The following RABL6 variants were observed in gnomAD, a reference collection of about 807,000 sequenced individuals.
The protein encoded by RABL6 is RAB, member RAS oncogene family like 6.
Under a neutral mutation model 72.9 loss-of-function variants are expected in RABL6, and 28 were observed. The observed-to-expected ratio is 0.38, with a 90% confidence interval of 0.28 to 0.53. The LOEUF is 0.53. RABL6 is among the 20% of genes least tolerant of loss of function. The pLI is 0.80. For synonymous variants in RABL6, 477 were observed against 421.2 expected, an observed-to-expected ratio of 1.13 and a Z score of -1.62; for missense variants, 1,029 against 1,008.4, an observed-to-expected ratio of 1.02 and a Z score of -0.28.
chr9:136,832,582 A>T, intron 7 of RABL6: 1 of 634,002 alleles, frequency 1.6e-6, no homozygotes, highest in Non-Finnish European at 2.9e-6. Flanking sequence ...CAGTCCCAGG[A>T]GCCCCTCCAC....
chr9:136,808,535 C>G, intron 1 of RABL6: 1 of 352,980 alleles, frequency 2.8e-6, no homozygotes, highest in Non-Finnish European at 4.6e-6. Context: ...CCCCGAGCCG[C>G]GGGTCGTTTC....
At chr9:136,819,475 G>A (rs957221749) in intron 1 of RABL6, among the ~76,000 whole-genome samples, 22 of 152,242 alleles carry the variant, frequency 1.4e-4, no homozygotes, top group African/African-American at 5.1e-4. Flanking sequence ...TCACCAGCTC[G>A]AAAGAATGTG....
rs763004530 is a variant in RABL6 at position 136,838,872 on chromosome 9, C to T, written c.1281-37C>T. On this transcript the variant is annotated intron_variant, in intron 10 of 14. Coordinates refer to ENST00000311502, the MANE Select transcript of RABL6 (RefSeq NM_024718.5). ...CGTGAGCCCGGCCAGCCATCCCTACCCCGTGGCCCTTGACCGCTTTGCCCC... is the reference window on the plus strand; with the variant it reads ...CGTGAGCCCGGCCAGCCATCCCTACTCCGTGGCCCTTGACCGCTTTGCCCC... 13 of 1,499,702 alleles carry T rather than the reference C, an allele frequency of 8.7e-6. No homozygotes were observed. In the African/African-American group the frequency reaches 1.7e-4, roughly 19 times the overall value. The allele number at this position is 1,499,702 out of a possible 1,614,324, so 92.9% of individuals were successfully genotyped here. A position where few individuals can be genotyped will look rare whatever the true frequency, so the allele number is the denominator to read the frequency against.
chr9:136,834,008 C>A, intron 7 of RABL6: 1 of 1,492,456 alleles, frequency 6.7e-7, no homozygotes, highest in Non-Finnish European at 9.0e-7. Flanking sequence ...GAGAACGGGA[C>A]CCTGGACAGA....
chr9:136,840,898 A>G lies in RABL6; in HGVS notation c.*376A>G. The stretch of plus-strand genomic sequence containing the variant: ...GCTGTGGGGTGTGCGCTGCCCCGGC[A>G]CCTGCTTGCCCTCCGCGCTCATCTG... On this transcript the variant is annotated 3_prime_UTR_variant, in exon 15 of 15. Coordinates refer to ENST00000311502, the MANE Select transcript of RABL6 (RefSeq NM_024718.5). The G allele has an allele frequency of 2.7e-6, 4 of 1,506,464 alleles. No individual in the cohort carries two copies. Among genetic ancestry groups the G allele is most frequent in the Non-Finnish European group, 2.7e-6 (3 of 1,122,914 alleles). The allele number at this position is 1,506,464 out of a possible 1,614,324, so 93.3% of individuals were successfully genotyped here.
chr9:136,825,520 G>A (rs1848336745), intron 2 of RABL6, among the ~76,000 whole-genome samples: 1 of 152,130 alleles, frequency 6.6e-6, no homozygotes, highest in Non-Finnish European at 1.5e-5. Flanking sequence ...GGCCCGGGAG[G>A]GAGGGGCCGT....
intron 7 of RABL6, chr9:136,834,463 T>TG (rs1296706552): frequency 2.0e-6 from 2 of 984,650 alleles, no homozygotes; most frequent in Admixed American, 6.1e-5. Flanking sequence ...TGTTATAGCC[T>TG]GGGGACCTTA....
chr9:136,834,731 C>CAG (rs1848554025), intron 7 of RABL6, among the ~76,000 whole-genome samples: 1 of 151,722 alleles, frequency 6.6e-6, no homozygotes, highest in South Asian at 2.1e-4. Flanking sequence ...CCCGCCTTGG[C>CAG]CCCCCCAAAG....
In RABL6 at chr9:136,839,001, C is replaced by T. The variant is rs1282430315; in HGVS notation, c.1373C>T (p.Pro458Leu). Reference protein sequence around the residue: ...EDQPRGSPPLPAGPVPSQDIT... With the variant: ...EDQPRGSPPLLAGPVPSQDIT... ...CAGCCACGTGGGAGTCCCCCGCTGC[C>T]TGCAGGCCCCGTCCCCAGTCAAGAC... Residue 458 changes from proline (P) to leucine (L), a missense_variant, in exon 11 of 15, where the codon CCT becomes CTT. By Grantham distance (98) the Pro-to-Leu change is moderately conservative. Transcript: ENST00000311502. 1.2e-6 allele frequency: 2 copies of T among 1,612,110 alleles called. No homozygotes were observed. Among genetic ancestry groups the T allele is most frequent in the Non-Finnish European group, 1.7e-6 (2 of 1,179,696 alleles).
At chr9:136,828,660 C>A in intron 4 of RABL6, 114 bp downstream of exon 4, 1 of 1,145,132 alleles carries the variant, frequency 8.7e-7, no homozygotes, top group Non-Finnish European at 1.3e-6. Context: ...GCTGTGGCCA[C>A]GGGGGCCGCT....
chr9:136,829,297 C>A, intron 4 of RABL6, 96 bp from the exon 5 acceptor site: 1 of 907,290 alleles, frequency 1.1e-6, no homozygotes, highest in Non-Finnish European at 1.8e-6. Context: ...GTTATCTTTT[C>A]AGATTAGAAG....
At chr9:136,825,907 G>A (rs996680128) in intron 3 of RABL6, 81 bp downstream of exon 3, 10 of 1,495,712 alleles carry the variant, frequency 6.7e-6, no homozygotes, top group South Asian at 4.5e-5. Flanking sequence ...TTCCCCCGGC[G>A]CCCATGCATC....
chr9:136,820,784 T>C (rs904461459), intron 1 of RABL6, among the ~76,000 whole-genome samples: 1 of 152,024 alleles, frequency 6.6e-6, no homozygotes, highest in Non-Finnish European at 1.5e-5. Context: ...AAACAGAGGC[T>C]GAGTGTGGGT....
Position 136,808,233 on chromosome 9 carries a change from C to CA in RABL6, c.38dup (p.Ala14GlyfsTer79). Reference sequence around the variant, plus strand: ...CCTGAAGAAGCTGGTGGGGTCGGACCAGGCCCCGGGCCGGGACAAGAACAT... The same window carrying CA: ...CCTGAAGAAGCTGGTGGGGTCGGACCAAGGCCCCGGGCCGGGACAAGAACAT... On this transcript the variant is annotated frameshift_variant, in exon 1 of 15. Transcript: ENST00000311502. LOFTEE classifies it high-confidence loss of function. The CA allele has an allele frequency of 6.4e-7, 1 of 1,562,112 alleles. No individual in the cohort carries two copies. The highest frequency in any genetic ancestry group is 8.7e-7 in the Non-Finnish European group (1 of 1,156,002).
At position 136,840,476 on chromosome 9, in the gene RABL6, C is replaced by T. The variant is rs1848671633; in HGVS notation, c.2144C>T (p.Ala715Val). ...CTGGAGGCTTTCCTGGGGGGCGGGGCCCCGGGCGGCCGCCACCCTGGGGGT... is the reference window on the plus strand; with the variant it reads ...CTGGAGGCTTTCCTGGGGGGCGGGGTCCCGGGCGGCCGCCACCCTGGGGGT... ...DELEAFLGGG[A>V]PGGRHPGGGD... The change falls in exon 15 of 15, where the codon GCC (alanine) becomes GTC (valine). Residue 715 changes from alanine (A) to valine (V), a missense_variant. Ala to Val is a moderately conservative substitution (Grantham distance 64). Around this residue, in one of 2 missense-constraint regions of RABL6, gnomAD observed 595 missense variants for 472.4 expected, o/e 1.26. Transcript: ENST00000311502. The T allele has an allele frequency of 6.5e-7, 1 of 1,527,502 alleles. No homozygotes were observed. The highest frequency in any genetic ancestry group is 1.2e-5 in the South Asian group (1 of 81,496). The allele number at this position is 1,527,502 out of a possible 1,614,324, so 94.6% of individuals were successfully genotyped here. A position where few individuals can be genotyped will look rare whatever the true frequency, so the allele number is the denominator to read the frequency against.
chr9:136,836,808 C>T (rs1327185950), intron 8 of RABL6: 4 of 253,560 alleles, frequency 1.6e-5, no homozygotes, highest in African/African-American at 9.2e-5. Flanking sequence ...AGAACAGATC[C>T]GAAGTGACTT....
At chr9:136,835,909 C>A (rs1012314017) in intron 8 of RABL6, 64 bp downstream of exon 8, 14 of 1,436,942 alleles carry the variant, frequency 9.7e-6, no homozygotes, top group African/African-American at 1.4e-5. Flanking sequence ...TGGTGCAGGG[C>A]CATGGGCTGC....
rs1282842002 is a variant in RABL6 at position 136,831,775 on chromosome 9, G to A, written c.513G>A (p.Val171=). 1.9e-6 allele frequency: 3 copies of A among 1,613,518 alleles called. No homozygotes were observed. The highest frequency in any genetic ancestry group is 1.7e-6 in the Non-Finnish European group (2 of 1,179,842). The part of the protein sequence containing the change: ...ELPKVPTHVP[V]CVLGNYRDMG... ...CAAAAGTGCCCACCCACGTGCCAGT[G>A]TGCGTGCTGGGAAACTACCGGGACA... The change falls in exon 6 of 15, where the codon GTG becomes GTA. Residue 171 remains valine, a synonymous_variant. Coordinates refer to ENST00000311502, the MANE Select transcript of RABL6 (RefSeq NM_024718.5).
intron 1 of RABL6, among the ~76,000 whole-genome samples, chr9:136,817,137 CAGCAGCAGGAGA>C (rs1848136150): frequency 1.3e-5 from 2 of 151,360 alleles, no homozygotes; most frequent in South Asian, 2.1e-4. Context: ...TTAAATCAGT[CAGCAGCAGGAGA>C]AGCAGCACGA....
Sources: gnomAD v4.1 joint callset for allele counts (sites outside exome capture counted in the v4.1 genomes callset) on GRCh38, gnomAD v4.1.1 for gene constraint, gnomAD v4.1.1 regional missense constraint, MANE v1.5 for transcripts, NCBI Gene and HGNC (gene_info 2026-07-23, HGNC 2026-07-21) for gene names.